MROH1: variants seen among roughly 807,000 people sequenced by gnomAD.
MROH1 encodes the protein maestro heat like repeat family member 1, also known as maestro heat-like repeat-containing protein family member 1.
In MROH1, 117 loss-of-function variants were observed where a neutral mutation model predicts 116.5. The ratio of observed to expected loss-of-function variants is 1.00; its 90% CI spans 0.86 to 1.17. The LOEUF (loss-of-function observed/expected upper bound fraction) is 1.17, where lower values mean the gene tolerates loss of function less well. Ranked by LOEUF, MROH1 falls within the 50% of genes most tolerant of loss-of-function variation. The probability of loss-of-function intolerance (pLI) is 0.00; values close to 1 mark genes in which losing one functional copy is unlikely to be tolerated. For missense variants in MROH1, 1,873 were observed against 1,338.5 expected, an observed-to-expected ratio of 1.40 and a Z score of -6.23; for synonymous variants, 921 against 583.9, an observed-to-expected ratio of 1.58 and a Z score of -8.32.
At chr8:144,215,589 A>G (rs1835049175) in intron 12 of MROH1, among the ~76,000 whole-genome samples, 1 of 152,178 alleles carries the variant, frequency 6.6e-6, no homozygotes, top group Non-Finnish European at 1.5e-5. Flanking sequence ...AATGAAACAC[A>G]GGCCGGGCAT....
intron 7 of MROH1, among the ~76,000 whole-genome samples, chr8:144,187,652 G>T (rs1827523766): frequency 6.6e-6 from 1 of 152,230 alleles, no homozygotes; most frequent in African/African-American, 2.4e-5. Context: ...GATCATCACA[G>T]ATTCTGGTGA....
At chr8:144,239,455 A>G in intron 17 of MROH1, 92 bp downstream of exon 17, 1 of 775,848 alleles carries the variant, frequency 1.3e-6, no homozygotes, top group Non-Finnish European at 2.4e-6. Context: ...CTCAGTGGGC[A>G]GCCGCGGTCA....
Position 144,261,892 on chromosome 8 carries a change from G to C in MROH1, c.*152G>C. The C allele has an allele frequency of 4.5e-6, 3 of 667,744 alleles. No individual in the cohort carries two copies. The highest frequency in any genetic ancestry group is 8.1e-6 in the Non-Finnish European group (3 of 369,680). 41.4% of individuals were successfully genotyped at this position (667,744 alleles called of 1,614,324 possible). A position where few individuals can be genotyped will look rare whatever the true frequency, so the allele number is the denominator to read the frequency against. On this transcript the variant is annotated 3_prime_UTR_variant, in exon 44 of 44. Coordinates refer to ENST00000326134, the MANE Select transcript of MROH1 (RefSeq NM_032450.3). ...CTGGGGACCAAACCCAAGCCCTTCA[G>C]TGAGGGATGTGCCCAATAAACTCAT...
rs759165805 is a variant in MROH1, at chr8:144,179,514, C to T, written c.228C>T (p.Arg76=). The part of the protein sequence containing the change: ...LRAMERVLSS[R]ASELDKDTAS... The stretch of plus-strand genomic sequence containing the variant: ...CCATGGAGAGGGTCCTGAGCAGTCG[C>T]GCCAGTGAGCTGGACAAGGACACAG... Residue 76 remains arginine (R), a synonymous_variant, in exon 5 of 44, where the codon CGC becomes CGT. Transcript: ENST00000326134. 8.7e-6 allele frequency: 14 copies of T among 1,613,444 alleles called. No individual in the cohort carries two copies. The highest frequency in any genetic ancestry group is 1.6e-4 in the Middle Eastern group (1 of 6,080).
In MROH1 at chr8:144,242,360, G is replaced by T; in HGVS notation, c.2179-9G>T. 1.3e-6 allele frequency: 1 copy of T among 780,700 alleles called. No homozygotes were observed. Among genetic ancestry groups the T allele is most frequent in the Admixed American group, 1.7e-5 (1 of 59,046 alleles). 48.4% of individuals were successfully genotyped at this position (780,700 alleles called of 1,614,324 possible). A position where few individuals can be genotyped will look rare whatever the true frequency, so the allele number is the denominator to read the frequency against. ...AACTGAAGTCCCGCTGGTTCCTCTG[G>T]CCTCTCAGGATCGAAGTGAGAACGA... is the stretch of plus-strand genomic sequence containing the variant. On this transcript the variant is annotated splice_polypyrimidine_tract_variant and intron_variant, in intron 22 of 43. Transcript: ENST00000326134.
rs1356938512 is a variant in MROH1, at chr8:144,183,963, T to G, written c.562+3440T>G. On this transcript the variant is annotated intron_variant, in intron 7 of 43. Coordinates refer to ENST00000326134, the MANE Select transcript of MROH1 (RefSeq NM_032450.3). Reference sequence around the variant, plus strand: ...CGCCTGGCCAGACAAGGCCTTTCTTTGCACTGGGTCAGAGCCCACCTGTAC... The same window carrying G: ...CGCCTGGCCAGACAAGGCCTTTCTTGGCACTGGGTCAGAGCCCACCTGTAC... Among the ~76,000 whole-genome samples, 4 of 152,308 alleles carry G rather than the reference T, an allele frequency of 2.6e-5. No homozygotes were observed. The East Asian group carries it at 7.7e-4, about 29-fold the overall frequency.
chr8:144,224,485 C>T (rs1053234687), intron 14 of MROH1, among the ~76,000 whole-genome samples: 18 of 152,110 alleles, frequency 1.2e-4, no homozygotes, highest in African/African-American at 3.9e-4. Flanking sequence ...AGGTTGCTTT[C>T]GAACTCTTGA....
intron 14 of MROH1, among the ~76,000 whole-genome samples, chr8:144,236,462 C>T (rs1457262131): frequency 2.6e-5 from 4 of 152,140 alleles, no homozygotes; most frequent in Non-Finnish European, 4.4e-5. Flanking sequence ...AGCATCAGGC[C>T]GGGTGCGGTG....
In MROH1 at chr8:144,180,462, C is replaced by T. The variant is rs1325209529; in HGVS notation, c.501C>T (p.Ser167=). Residue 167 remains serine, a synonymous_variant, in exon 7 of 44, where the codon AGC becomes AGT. Transcript: ENST00000326134. The surrounding 1 kb of genome is among the most constrained non-coding windows in gnomAD (Gnocchi z 7.4). ...GVVPFLPSVL[S]SLLPVLGVAK... ...TCCCCTTCCTGCCATCCGTCCTGAG[C>T]TCCCTGCTGCCCGTGCTGGGCGTGG... is the stretch of plus-strand genomic sequence containing the variant. 2 of 1,612,892 alleles carry T rather than the reference C, an allele frequency of 1.2e-6. No homozygotes were observed. The highest frequency in any genetic ancestry group is 1.7e-5 in the Admixed American group (1 of 60,030).
chr8:144,240,567 C>T lies in MROH1; in HGVS notation c.1828-3C>T, dbSNP rs2132894058. On this transcript the variant is annotated splice_region_variant and splice_polypyrimidine_tract_variant and intron_variant, in intron 19 of 43. Coordinates refer to ENST00000326134, the MANE Select transcript of MROH1 (RefSeq NM_032450.3). ...AGCCCCTCAGTGGCATCTTGGCCTG[C>T]AGTTCCTGCGAGACACCCTGGCCAT... The T allele has an allele frequency of 1.4e-6, 1 of 716,538 alleles. No homozygotes were observed. Among genetic ancestry groups the T allele is most frequent in the East Asian group, 2.7e-5 (1 of 37,292 alleles). The allele number at this position is 716,538 out of a possible 1,614,324, so 44.4% of individuals were successfully genotyped here.
intron 10 of MROH1, among the ~76,000 whole-genome samples, chr8:144,197,040 A>G (rs1375479392): frequency 1.3e-5 from 2 of 152,204 alleles, no homozygotes; most frequent in Non-Finnish European, 2.9e-5. Context: ...GGTTGCAGTG[A>G]GCCGAGATCG....
At chr8:144,247,845 C>A (rs990372708) in intron 31 of MROH1, among the ~76,000 whole-genome samples, 166 bp downstream of exon 31, 1 of 152,244 alleles carries the variant, frequency 6.6e-6, no homozygotes. Context: ...CGCTGCCCTG[C>A]GCTGGCCCCA....
At chr8:144,225,419 T>A (rs1029518119) in intron 14 of MROH1, among the ~76,000 whole-genome samples, 57 of 152,352 alleles carry the variant, frequency 3.7e-4, no homozygotes, top group African/African-American at 1.3e-3. Flanking sequence ...TTTGCTTGCC[T>A]CAGCCTCCCA....
At position 144,180,596 on chromosome 8, in the gene MROH1, T is replaced by G. The variant is rs2131337364; in HGVS notation, c.562+73T>G. 358 of 1,124,078 alleles carry G rather than the reference T, an allele frequency of 3.2e-4. No homozygotes were observed. The highest frequency in any genetic ancestry group is 4.1e-4 in the East Asian group (12 of 29,276). The allele number at this position is 1,124,078 out of a possible 1,614,324, so 69.6% of individuals were successfully genotyped here. A position where few individuals can be genotyped will look rare whatever the true frequency, so the allele number is the denominator to read the frequency against. Reference sequence around the variant, plus strand: ...GGGCTGTTCCCGGGCATGCCTGTTTTAGGGGGGACAGGTGGGCACTTTAGG... The same window carrying G: ...GGGCTGTTCCCGGGCATGCCTGTTTGAGGGGGGACAGGTGGGCACTTTAGG... On this transcript the variant is annotated intron_variant, in intron 7 of 43. Coordinates refer to ENST00000326134, the MANE Select transcript of MROH1 (RefSeq NM_032450.3). The surrounding 1 kb of genome is among the most constrained non-coding windows in gnomAD (Gnocchi z 7.4).
Position 144,212,441 on chromosome 8 carries a change from G to A in MROH1, c.1142-8159G>A, listed in dbSNP as rs987536045. Among the ~76,000 whole-genome samples, 20 of 151,926 alleles carry A rather than the reference G, an allele frequency of 1.3e-4. No homozygotes were observed. In the South Asian group the frequency reaches 1.7e-3, roughly 13 times the overall value. On this transcript the variant is annotated intron_variant, in intron 12 of 43. Coordinates refer to ENST00000326134, the MANE Select transcript of MROH1 (RefSeq NM_032450.3). ...TCTGGAGGGCTCATTACTTCTGGATGGTTACTATTCCTGGGCCTTTTCAGT... is the reference window on the plus strand; with the variant it reads ...TCTGGAGGGCTCATTACTTCTGGATAGTTACTATTCCTGGGCCTTTTCAGT...
At chr8:144,189,066 A>G (rs1827912059) in intron 7 of MROH1, among the ~76,000 whole-genome samples, 1 of 152,208 alleles carries the variant, frequency 6.6e-6, no homozygotes, top group East Asian at 1.9e-4. Context: ...AATTAAAAGT[A>G]ATTGTTTGAA....
At position 144,180,597 on chromosome 8, in the gene MROH1, A is replaced by G; in HGVS notation, c.562+74A>G. 2 of 1,332,822 alleles carry G rather than the reference A, an allele frequency of 1.5e-6. No individual in the cohort carries two copies. The highest frequency in any genetic ancestry group is 2.6e-5 in the East Asian group (1 of 39,056). The allele number at this position is 1,332,822 out of a possible 1,614,324, so 82.6% of individuals were successfully genotyped here. ...GGCTGTTCCCGGGCATGCCTGTTTT[A>G]GGGGGGACAGGTGGGCACTTTAGGC... On this transcript the variant is annotated intron_variant, in intron 7 of 43. Transcript: ENST00000326134. The surrounding 1 kb of genome is among the most constrained non-coding windows in gnomAD (Gnocchi z 7.4).
At chr8:144,185,414 G>A in intron 7 of MROH1, among the ~76,000 whole-genome samples, 1 of 151,642 alleles carries the variant, frequency 6.6e-6, no homozygotes, top group African/African-American at 2.4e-5. Context: ...TGAAATAAGT[G>A]AATTAAATAC....
At chr8:144,256,118 G>A (rs1717351029) in intron 35 of MROH1, among the ~76,000 whole-genome samples, 1 of 152,044 alleles carries the variant, frequency 6.6e-6, no homozygotes, top group Admixed American at 6.5e-5. Context: ...GCGGCCTTTG[G>A]CACGTGTTCA....
Sources: allele counts gnomAD v4.1 joint callset (sites outside exome capture counted in the v4.1 genomes callset), GRCh38; gene constraint gnomAD v4.1.1; non-coding constraint Gnocchi (gnomAD v3.1); transcripts MANE v1.5; gene names NCBI Gene and HGNC (gene_info 2026-07-23, HGNC 2026-07-21).